TMEM63B: variants seen among roughly 807,000 people sequenced by gnomAD.
TMEM63B encodes the protein transmembrane protein 63B, also known as mechanosensitive cation channel TMEM63B.
Under a neutral mutation model 102.6 loss-of-function variants are expected in TMEM63B, and 23 were observed. That is an observed-to-expected ratio of 0.22 (90% confidence interval 0.16 to 0.32). The LOEUF is 0.32. TMEM63B is among the 10% of genes least tolerant of loss of function. The pLI is 1.00. For synonymous variants in TMEM63B, 444 were observed against 437.0 expected (o/e 1.02, Z -0.20); for missense variants, 628 against 1,095.9 (o/e 0.57, Z 6.03).
At position 44,135,425 on chromosome 6, in the gene TMEM63B, A is replaced by ACGCTT; in HGVS notation, c.278+61_278+65dup. ...AACCAGCTTTCCCTTTTCTTCTCTC[A>ACGCTT]CGCTTCTCTTCTCTTCCTGCCAAGT... On this transcript the variant is annotated intron_variant, in intron 4 of 23. Coordinates refer to ENST00000323267, the MANE Select transcript of TMEM63B (RefSeq NM_018426.3). The ACGCTT allele has an allele frequency of 1.9e-6, 3 of 1,560,538 alleles. 1 individual carries two copies. In the South Asian group the frequency reaches 3.5e-5, roughly 18 times the overall value.
rs963927744 is a variant in TMEM63B, at chr6:44,153,978, C to T, written c.2111-95C>T. On this transcript the variant is annotated intron_variant, in intron 21 of 23. Transcript: ENST00000323267. Reference sequence around the variant, plus strand: ...AGAGGCTGGGGCCAGTCTGTAGCACCTGGGAGAGTGAGGACTGCATTCAGA... The same window carrying T: ...AGAGGCTGGGGCCAGTCTGTAGCACTTGGGAGAGTGAGGACTGCATTCAGA... 283 of 1,554,942 alleles carry T rather than the reference C, an allele frequency of 1.8e-4. 4 individuals carry two copies. In the South Asian group the frequency reaches 3.2e-3, roughly 18 times the overall value.
rs1353557159 is a variant in TMEM63B at position 44,140,581 on chromosome 6, T to C, written c.711+221T>C. 11 of 654,106 alleles carry C rather than the reference T, an allele frequency of 1.7e-5. No homozygotes were observed. In the Admixed American group the frequency reaches 2.1e-4, roughly 13 times the overall value. The allele number at this position is 654,106 out of a possible 1,614,324, so 40.5% of individuals were successfully genotyped here. ...GTACCTCCCCCAAGGTTGTGGGGAA[T>C]ACACAGAAACAGCCGTGCTGTGCCC... is the stretch of plus-strand genomic sequence containing the variant. On this transcript the variant is annotated intron_variant, in intron 9 of 23. Coordinates refer to ENST00000323267, the MANE Select transcript of TMEM63B (RefSeq NM_018426.3).
chr6:44,154,204 G>A lies in TMEM63B; in HGVS notation c.2226+16G>A, dbSNP rs770773036. Reference sequence around the variant, plus strand: ...CAACTACAAGGTGTGGGGCAAGGGTGGCAGGCGGATGGCTGCGGGCAGGAG... The same window carrying A: ...CAACTACAAGGTGTGGGGCAAGGGTAGCAGGCGGATGGCTGCGGGCAGGAG... On this transcript the variant is annotated intron_variant, in intron 22 of 23. Coordinates refer to ENST00000323267, the MANE Select transcript of TMEM63B (RefSeq NM_018426.3). 1.2e-5 allele frequency: 19 copies of A among 1,612,500 alleles called. No homozygotes were observed. The highest frequency in any genetic ancestry group is 1.6e-5 in the Non-Finnish European group (19 of 1,178,656).
rs4714762 is a variant in TMEM63B, at chr6:44,149,927, C to T, written c.1482C>T (p.Ile494=). The T allele has an allele frequency of 0.11, 177,682 of 1,612,908 alleles. 10,832 individuals are homozygous for T. The highest frequency in any genetic ancestry group is 0.25 in the East Asian group (11,197 of 44,812). The change falls in exon 16 of 24, where the codon ATC becomes ATT. Residue 494 remains isoleucine (I), a synonymous_variant. Transcript: ENST00000323267. ...LWCFSALLPT[I]VYYSAFFEAH... ...GCTTCTCGGCCCTCCTTCCCACCAT[C>T]GTCTACTACTCAGCCTTCTTTGAAG...
Position 44,150,772 on chromosome 6 carries a change from C to A in TMEM63B, c.1673+143C>A. Reference sequence around the variant, plus strand: ...AGAGAGAGGATCTGGCGGGGTTACCCCAAAGGCACCCACAAGGTGTCTTGG... The same window carrying A: ...AGAGAGAGGATCTGGCGGGGTTACCACAAAGGCACCCACAAGGTGTCTTGG... On this transcript the variant is annotated intron_variant, in intron 18 of 23. Coordinates refer to ENST00000323267, the MANE Select transcript of TMEM63B (RefSeq NM_018426.3). The surrounding 1 kb of genome is among the most constrained non-coding windows in gnomAD (Gnocchi z 4.7). The A allele has an allele frequency of 1.2e-6, 1 of 816,612 alleles. No individual in the cohort carries two copies. Among genetic ancestry groups the A allele is most frequent in the Non-Finnish European group, 2.0e-6 (1 of 500,374 alleles). 50.6% of individuals were successfully genotyped at this position (816,612 alleles called of 1,614,324 possible).
rs1767781331 is a variant in TMEM63B at position 44,155,117 on chromosome 6, G to C, written c.*234G>C. 2.5e-6 allele frequency: 1 copy of C among 392,410 alleles called. No homozygotes were observed. The allele number at this position is 392,410 out of a possible 1,614,324, so 24.3% of individuals were successfully genotyped here. A position where few individuals can be genotyped will look rare whatever the true frequency, so the allele number is the denominator to read the frequency against. ...CCCCGGGGCAAAGAGGGGTGCAGAG[G>C]GAGTTCCCCCAGATCAGTACCCCCC... On this transcript the variant is annotated 3_prime_UTR_variant, in exon 24 of 24. Transcript: ENST00000323267.
intron 1 of TMEM63B, among the ~76,000 whole-genome samples, chr6:44,131,257 G>C (rs1435819459): frequency 6.6e-6 from 1 of 151,944 alleles, no homozygotes; most frequent in Non-Finnish European, 1.5e-5. Flanking sequence ...ATATATTCTT[G>C]CCTTTCTCTC....
Position 44,148,859 on chromosome 6 carries a change from ATCC to A in TMEM63B, c.1333_1335del (p.Leu445del). 2 of 1,613,938 alleles carry A rather than the reference ATCC, an allele frequency of 1.2e-6. No homozygotes were observed. Among genetic ancestry groups the A allele is most frequent in the Non-Finnish European group, 1.7e-6 (2 of 1,179,982 alleles). On this transcript the variant is annotated inframe_deletion, in exon 15 of 24. Coordinates refer to ENST00000323267, the MANE Select transcript of TMEM63B (RefSeq NM_018426.3). This position sits in a 1 kb window ranked among gnomAD's most constrained non-coding sequence, Gnocchi z 5.1. The stretch of plus-strand genomic sequence containing the variant: ...CCTGGTCATCAATGTCGTCCTCTTC[ATCC>A]TCCTCTTCTTCCTCACCACTCCAGC...
rs1187140167 is a variant in TMEM63B, at chr6:44,135,452, G to T, written c.278+86G>T. The T allele has an allele frequency of 1.1e-5, 16 of 1,500,710 alleles. No homozygotes were observed. In the Middle Eastern group the frequency reaches 5.2e-4, roughly 49 times the overall value. The allele number at this position is 1,500,710 out of a possible 1,614,324, so 93.0% of individuals were successfully genotyped here. On this transcript the variant is annotated intron_variant, in intron 4 of 23. Coordinates refer to ENST00000323267, the MANE Select transcript of TMEM63B (RefSeq NM_018426.3). ...GCTTCTCTTCTCTTCCTGCCAAGTTGCTGGTTTCTTTTTGCAGTTTTCTCC... is the reference window on the plus strand; with the variant it reads ...GCTTCTCTTCTCTTCCTGCCAAGTTTCTGGTTTCTTTTTGCAGTTTTCTCC...
rs1307953802 is a variant in TMEM63B at position 44,141,017 on chromosome 6, C to G, written c.712-11C>G. On this transcript the variant is annotated splice_polypyrimidine_tract_variant and intron_variant, in intron 9 of 23. Transcript: ENST00000323267. ...AGCCTCAGAAGGCAAACCCACTCCC[C>G]TGTCACCCAGGTGAAGCGGACCCTC... is the stretch of plus-strand genomic sequence containing the variant. 5.6e-6 allele frequency: 9 copies of G among 1,613,994 alleles called. No homozygotes were observed. Among genetic ancestry groups the G allele is most frequent in the East Asian group, 4.5e-5 (2 of 44,876 alleles).
intron 12 of TMEM63B, 65 bp downstream of exon 12, chr6:44,147,565 G>GCCCTGCCCTCAGTGAGT: frequency 6.3e-7 from 1 of 1,583,292 alleles, no homozygotes; most frequent in South Asian, 1.1e-5. Flanking sequence ...CAAGGCTGGG[G>GCCCTGCCCTCAGTGAGT]CCCTGCCCTC....
intron 1 of TMEM63B, among the ~76,000 whole-genome samples, chr6:44,133,951 A>G (rs980435871): frequency 6.6e-6 from 1 of 152,232 alleles, no homozygotes; most frequent in African/African-American, 2.4e-5. Context: ...CCAGGCAGGT[A>G]ACTCAAACCC....
At chr6:44,139,678 C>A in intron 7 of TMEM63B, 30 bp from the exon 8 acceptor site, 4 of 1,614,174 alleles carry the variant, frequency 2.5e-6, no homozygotes, top group Non-Finnish European at 2.5e-6. Context: ...CTGACCCCAC[C>A]ATCATCCTCT....
chr6:44,137,666 A>G (rs1166731102), intron 5 of TMEM63B, among the ~76,000 whole-genome samples: 2 of 150,544 alleles, frequency 1.3e-5, no homozygotes, highest in South Asian at 2.1e-4. Context: ...CTGCCTTTAC[A>G]TGCCTGGAGG....
intron 15 of TMEM63B, 42 bp from the exon 16 acceptor site, chr6:44,149,817 C>T (rs748854022): frequency 3.2e-6 from 5 of 1,542,836 alleles, no homozygotes; most frequent in East Asian, 2.4e-5. Context: ...ACCTGGGCCC[C>T]CTAGACTGCC....
chr6:44,138,823 G>T (rs1219735020), intron 6 of TMEM63B: 2 of 376,190 alleles, frequency 5.3e-6, no homozygotes, highest in Admixed American at 7.5e-5. Context: ...GTGAGTGGGG[G>T]CAGCAGTAGG....
intron 2 of TMEM63B, 132 bp from the exon 3 acceptor site, chr6:44,134,885 C>T (rs760299092): frequency 3.7e-4 from 549 of 1,482,380 alleles, no homozygotes; most frequent in Non-Finnish European, 4.6e-4. Context: ...GCCCAAGCCT[C>T]GCCTTTGACC....
Position 44,134,733 on chromosome 6 carries a change from T to C in TMEM63B, c.149T>C (p.Met50Thr), listed in dbSNP as rs1367515294. The C allele has an allele frequency of 6.2e-7, 1 of 1,612,454 alleles. No individual in the cohort carries two copies. Residue 50 changes from methionine (M) to threonine (T), a missense_variant, in exon 2 of 24, where the codon ATG becomes ACG. Met to Thr is a moderately conservative substitution (Grantham distance 81). This residue lies in a region of TMEM63B where 336 missense variants were observed against 580.3 expected (regional missense o/e 0.58). Transcript: ENST00000323267. ...GVPTVLALDF[M>T]CFLALLFLFS... ...CCCACCGTGCTGGCTCTCGACTTCA[T>C]GTGCTTCCTTGTAAGTGCCTGCTGC...
intron 10 of TMEM63B, among the ~76,000 whole-genome samples, chr6:44,141,676 G>A (rs1764293247): frequency 6.6e-6 from 1 of 152,212 alleles, no homozygotes; most frequent in Non-Finnish European, 1.5e-5. Context: ...CTCATAGGGT[G>A]GGGAATCAGT....
Sources: gnomAD v4.1 joint callset for allele counts (sites outside exome capture counted in the v4.1 genomes callset) on GRCh38, gnomAD v4.1.1 for gene constraint, gnomAD v4.1.1 regional missense constraint, Gnocchi (gnomAD v3.1) non-coding constraint, MANE v1.5 for transcripts, NCBI Gene and HGNC (gene_info 2026-07-23, HGNC 2026-07-21) for gene names.